Variants in SLC12A9 observed in about 807,000 individuals in gnomAD.
The protein encoded by SLC12A9 is solute carrier family 12 member 9.
Under a neutral mutation model 66.0 loss-of-function variants are expected in SLC12A9, and 55 were observed. That is an observed-to-expected ratio of 0.83 (90% CI 0.67 to 1.04). The LOEUF (loss-of-function observed/expected upper bound fraction) is 1.04. Ranked by LOEUF, SLC12A9 falls within the 50% of genes least tolerant of loss-of-function variation. The probability of loss-of-function intolerance (pLI) is 0.00; values close to 1 mark genes in which losing one functional copy is unlikely to be tolerated. For missense variants in SLC12A9, 1,061 were observed against 1,241.9 expected (o/e 0.85, Z 2.19); for synonymous variants, 577 against 569.0 (o/e 1.01, Z -0.20).
At chr7:100,855,914 CTCTCCAGCAGAGGGGCAGACTG>C (rs1213757452) in intron 4 of SLC12A9, 77 bp downstream of exon 4, 2 of 1,509,786 alleles carry the variant, frequency 1.3e-6, no homozygotes, top group African/African-American at 1.4e-5. Flanking sequence ...GGAGAAGGTC[CTCTCCAGCAGAGGGGCAGACTG>C]AGCCATTACC....
chr7:100,829,469 C>G (rs1051866772), intron 1 of SLC12A9, among the ~76,000 whole-genome samples: 2 of 152,278 alleles, frequency 1.3e-5, no homozygotes, highest in African/African-American at 4.8e-5. Flanking sequence ...GTTCCCCACA[C>G]CCCTGCCCTT....
rs553885208 is a variant in SLC12A9 at position 100,828,748 on chromosome 7, G to A, written n.228+1701G>A. 7.2e-5 allele frequency among the ~76,000 whole-genome samples: 11 copies of A among 152,050 alleles called. No individual in the cohort carries two copies. The East Asian group carries it at 2.1e-3, about 29-fold the overall frequency. ...GAGCTGTTTCCTGTCTGGCTCCTGG[G>A]GGCCCTCGGGATGGCTGGGAGGGGC... is the stretch of plus-strand genomic sequence containing the variant. On this transcript the variant is annotated intron_variant and non_coding_transcript_variant, in intron 1 of 1. Coordinates refer to the SLC12A9 transcript ENST00000461016.
At chr7:100,831,374 C>T (rs988906651) in intron 1 of SLC12A9, among the ~76,000 whole-genome samples, 3 of 152,094 alleles carry the variant, frequency 2.0e-5, no homozygotes, top group African/African-American at 4.8e-5. Flanking sequence ...TTAGTAGACG[C>T]GGGGTTTCTC....
At position 100,865,487 on chromosome 7, in the gene SLC12A9, T is replaced by A. The variant is rs544231147; in HGVS notation, c.1859-232T>A. Reference sequence around the variant, plus strand: ...AATCCTAAGGCGAACTTTGCCTGTTTAAGTGGAGGAGATTAGTCACTGAGA... The same window carrying A: ...AATCCTAAGGCGAACTTTGCCTGTTAAAGTGGAGGAGATTAGTCACTGAGA... On this transcript the variant is annotated intron_variant, in intron 13 of 13. Coordinates refer to ENST00000354161, the MANE Select transcript of SLC12A9 (RefSeq NM_020246.4). 5.7e-5 allele frequency: 87 copies of A among 1,532,444 alleles called. 1 individual carries two copies. The African/African-American group carries it at 8.1e-4, about 14-fold the overall frequency. 94.9% of individuals were successfully genotyped at this position (1,532,444 alleles called of 1,614,324 possible).
Position 100,862,796 on chromosome 7 carries a change from G to T in SLC12A9, c.1827G>T (p.Gly609=), listed in dbSNP as rs1562995917. The part of the protein sequence containing the change: ...DLTLSPSVRQ[G]AQHLLRISGL... ...CCCTCTCACCCTCCGTGCGCCAGGG[G>T]GCTCAGCATCTGCTGCGAATCTCCG... Residue 609 remains glycine, a synonymous_variant, in exon 13 of 14, where the codon GGG becomes GGT. Coordinates refer to ENST00000354161, the MANE Select transcript of SLC12A9 (RefSeq NM_020246.4). 2 of 1,614,146 alleles carry T rather than the reference G, an allele frequency of 1.2e-6. No homozygotes were observed. Among genetic ancestry groups the T allele is most frequent in the East Asian group, 4.5e-5 (2 of 44,876 alleles).
At chr7:100,843,957 C>T (rs1414390307) in intron 1 of SLC12A9, among the ~76,000 whole-genome samples, 6 of 152,138 alleles carry the variant, frequency 3.9e-5, no homozygotes, top group African/African-American at 1.2e-4. Flanking sequence ...AGTATGTGGA[C>T]GGAAGCAGCT....
At chr7:100,849,998 G>A (rs1056315064), upstream of SLC12A9, among the ~76,000 whole-genome samples, 14 of 151,590 alleles carry the variant, frequency 9.2e-5, no homozygotes, top group Non-Finnish European at 2.1e-4. Flanking sequence ...TCAGCCTCCC[G>A]AGTGGCTGGG....
At chr7:100,827,106 C>G in intron 1 of SLC12A9, 1 of 1,478,286 alleles carries the variant, frequency 6.8e-7, no homozygotes. Context: ...TCTCCCTGGG[C>G]GGGTGGACGC....
At position 100,866,118 on chromosome 7, in the gene SLC12A9, C is replaced by A; in HGVS notation, c.2258C>A (p.Thr753Asn). ...VCGLFLLQMA[T>N]ILGMVPAWHS... is the part of the protein sequence containing the mutation. Reference sequence around the variant, plus strand: ...GGCCTCTTCCTGCTGCAGATGGCAACCATCTTGGGCATGGTGCCCGCTTGG... The same window carrying A: ...GGCCTCTTCCTGCTGCAGATGGCAAACATCTTGGGCATGGTGCCCGCTTGG... The change falls in exon 14 of 14, where the codon ACC (threonine) becomes AAC (asparagine). Residue 753 changes from threonine to asparagine, a missense_variant. By Grantham distance (65) the Thr-to-Asn change is moderately conservative. Transcript: ENST00000354161. The surrounding 1 kb of genome is among the most constrained non-coding windows in gnomAD (Gnocchi z 7.3). 6.2e-7 allele frequency: 1 copy of A among 1,612,978 alleles called. No individual in the cohort carries two copies. The highest frequency in any genetic ancestry group is 8.5e-7 in the Non-Finnish European group (1 of 1,179,848).
chr7:100,836,166 T>C (rs1367259162), intron 1 of SLC12A9, among the ~76,000 whole-genome samples: 2 of 152,068 alleles, frequency 1.3e-5, no homozygotes, highest in African/African-American at 4.8e-5. Context: ...TGGCTGGGAA[T>C]GGGAGCAGGG....
chr7:100,854,771 A>G lies in SLC12A9; in HGVS notation c.316+17A>G, dbSNP rs756886281. ...GAGCCTACTGTATCCTCCAACATCGATGGACTGGGGTCTGGCCTGTTCTGC... is the reference window on the plus strand; with the variant it reads ...GAGCCTACTGTATCCTCCAACATCGGTGGACTGGGGTCTGGCCTGTTCTGC... On this transcript the variant is annotated intron_variant, in intron 3 of 13. Coordinates refer to ENST00000354161, the MANE Select transcript of SLC12A9 (RefSeq NM_020246.4). The G allele has an allele frequency of 1.2e-6, 2 of 1,613,484 alleles. No homozygotes were observed. Among genetic ancestry groups the G allele is most frequent in the Non-Finnish European group, 8.5e-7 (1 of 1,179,882 alleles).
chr7:100,854,904 C>T lies in SLC12A9; in HGVS notation c.316+150C>T, dbSNP rs959294378. ...TTAGGCTGGGTGCGGTGGCTCACATCTGTAATCCCAGCACTTTGGGAGGCT... is the reference window on the plus strand; with the variant it reads ...TTAGGCTGGGTGCGGTGGCTCACATTTGTAATCCCAGCACTTTGGGAGGCT... On this transcript the variant is annotated intron_variant, in intron 3 of 13. Coordinates refer to ENST00000354161, the MANE Select transcript of SLC12A9 (RefSeq NM_020246.4). 4 of 1,036,616 alleles carry T rather than the reference C, an allele frequency of 3.9e-6. No homozygotes were observed. The Admixed American group carries it at 1.1e-4, about 28-fold the overall frequency. 64.2% of individuals were successfully genotyped at this position (1,036,616 alleles called of 1,614,324 possible). A position where few individuals can be genotyped will look rare whatever the true frequency, so the allele number is the denominator to read the frequency against.
At position 100,854,515 on chromosome 7, in the gene SLC12A9, C is replaced by G; in HGVS notation, c.182-105C>G. On this transcript the variant is annotated intron_variant, in intron 2 of 13. Transcript: ENST00000354161. ...TGGCTGAAGGGTTTGGGGAGGGGCT[C>G]TCTGTGGGCTTGCATTTAGCTCCAC... 1.9e-6 allele frequency: 3 copies of G among 1,595,800 alleles called. No individual in the cohort carries two copies. The South Asian group carries it at 3.3e-5, about 18-fold the overall frequency.
Position 100,859,171 on chromosome 7 carries a change from G to T in SLC12A9, c.977+10G>T, listed in dbSNP as rs749362643. On this transcript the variant is annotated intron_variant, in intron 7 of 13. Transcript: ENST00000354161. ...GCTTCACTTGTGACAGGTGTCTGGGGAGGGATGGGGGTGGAGTGTCGAACA... is the reference window on the plus strand; with the variant it reads ...GCTTCACTTGTGACAGGTGTCTGGGTAGGGATGGGGGTGGAGTGTCGAACA... The T allele has an allele frequency of 5.0e-6, 8 of 1,612,278 alleles. No individual in the cohort carries two copies. The highest frequency in any genetic ancestry group is 6.8e-6 in the Non-Finnish European group (8 of 1,178,594).
intron 7 of SLC12A9, 98 bp from the exon 8 acceptor site, chr7:100,859,787 C>T: frequency 7.2e-7 from 1 of 1,397,290 alleles, no homozygotes. Flanking sequence ...ATCCCTTTAG[C>T]ACATTTGATA....
At chr7:100,865,102 T>A (rs1814990916) in intron 13 of SLC12A9, among the ~76,000 whole-genome samples, 1 of 152,138 alleles carries the variant, frequency 6.6e-6, no homozygotes, top group Admixed American at 6.6e-5. Context: ...GGATTATAGA[T>A]GCCCACCACA....
At position 100,826,964 on chromosome 7, in the gene SLC12A9, CG is replaced by C. The variant is rs35907339; in HGVS notation, n.146del. 0.26 allele frequency: 373,477 copies of C among 1,423,328 alleles called. 35,102 individuals carry two copies. Among genetic ancestry groups the C allele is most frequent in the Middle Eastern group, 0.37 (2,043 of 5,482 alleles). 88.2% of individuals were successfully genotyped at this position (1,423,328 alleles called of 1,614,324 possible). A position where few individuals can be genotyped will look rare whatever the true frequency, so the allele number is the denominator to read the frequency against. On this transcript the variant is annotated non_coding_transcript_exon_variant, in exon 1 of 2. Coordinates refer to the SLC12A9 transcript ENST00000461016. Reference sequence around the variant, plus strand: ...AGGAGTGACGGGGTGCGCCCCCCCCCGCAAGGAAACTCACCTTCCAAAGCTG... The same window carrying C: ...AGGAGTGACGGGGTGCGCCCCCCCCCCAAGGAAACTCACCTTCCAAAGCTG...
chr7:100,835,289 A>G (rs1254571048), intron 1 of SLC12A9, among the ~76,000 whole-genome samples: 2 of 149,618 alleles, frequency 1.3e-5, no homozygotes, highest in African/African-American at 5.0e-5. Context: ...TGGGAGGTAG[A>G]GGTTGCAGTG....
intron 1 of SLC12A9, among the ~76,000 whole-genome samples, chr7:100,853,689 G>A (rs1814213181): frequency 6.6e-6 from 1 of 150,746 alleles, no homozygotes; most frequent in South Asian, 2.1e-4. Flanking sequence ...AGCCTCCCAA[G>A]TAGCTGTGAT....
Sources: gnomAD v4.1 joint callset for allele counts (sites outside exome capture counted in the v4.1 genomes callset) on GRCh38, gnomAD v4.1.1 for gene constraint, Gnocchi (gnomAD v3.1) non-coding constraint, MANE v1.5 for transcripts, NCBI Gene and HGNC (gene_info 2026-07-23, HGNC 2026-07-21) for gene names.